Variants in CRB1 observed in about 807,000 individuals in gnomAD.
CRB1 encodes crumbs cell polarity complex component 1.
Under a neutral mutation model 120.0 loss-of-function variants are expected in CRB1, and 83 were observed. The observed-to-expected ratio is 0.69, with a 90% CI of 0.58 to 0.83. CRB1 has a LOEUF of 0.83. Ranked by LOEUF, CRB1 falls within the 40% of genes least tolerant of loss-of-function variation. The pLI, the probability that CRB1 is intolerant of heterozygous loss-of-function variation, is 0.00. For synonymous variants in CRB1, 625 were observed against 612.5 expected (o/e 1.02, Z -0.30); for missense variants, 1,699 against 1,687.6 (o/e 1.01, Z -0.12).
At chr1:197,256,932 C>CGTGTGT in the CRB1 span, among the ~76,000 whole-genome samples, 3,567 of 141,444 alleles carry the variant, frequency 0.025, 169 homozygotes, top group African/African-American at 0.089. Flanking sequence ...ATAGGATTTG[C>CGTGTGT]GTGTGTGTGT....
intron 1 of CRB1, among the ~76,000 whole-genome samples, chr1:197,321,417 A>T (rs1049905979): frequency 6.6e-6 from 1 of 152,188 alleles, no homozygotes; most frequent in African/African-American, 2.4e-5. Context: ...GTTTTCCCCA[A>T]ATTTGGTCCA....
At chr1:197,201,570 G>A in the CRB1 span, among the ~76,000 whole-genome samples, 6 of 152,220 alleles carry the variant, frequency 3.9e-5, no homozygotes, top group African/African-American at 1.4e-4. Flanking sequence ...TGGCTCGGTG[G>A]CCTACCCCGA....
Position 197,344,428 on chromosome 1 carries a change from C to A in CRB1, c.800C>A (p.Ala267Asp). The A allele has an allele frequency of 6.2e-7, 1 of 1,613,998 alleles. No homozygotes were observed. Among genetic ancestry groups the A allele is most frequent in the Non-Finnish European group, 8.5e-7 (1 of 1,179,994 alleles). Residue 267 changes from alanine to aspartate, a missense_variant, in exon 3 of 12, where the codon GCC becomes GAC. Physicochemically the swap from Ala to Asp is moderately radical, Grantham distance 126 (BLOSUM62 -2). Coordinates refer to ENST00000367400, the MANE Select transcript of CRB1 (RefSeq NM_201253.3). The stretch of plus-strand genomic sequence containing the variant: ...TGTGAACTCAACACTGATGAGTGTG[C>A]CAGTCAACCTTGTCTCCATGGAGGG... Reference protein sequence around the residue: ...DHCELNTDECASQPCLHGGLC... With the variant: ...DHCELNTDECDSQPCLHGGLC...
the CRB1 span, chr1:197,222,581 T>C: frequency 1.3e-6 from 1 of 769,488 alleles, no homozygotes; most frequent in Non-Finnish European, 2.4e-6. Flanking sequence ...CTCCTGTTGT[T>C]TTGCAGTTGG....
intron 1 of CRB1, among the ~76,000 whole-genome samples, chr1:197,301,924 T>C (rs576818708): frequency 6.6e-5 from 10 of 152,264 alleles, no homozygotes; most frequent in African/African-American, 2.4e-4. Flanking sequence ...TGAAATCTAC[T>C]CCTGGTGAAC....
intron 10 of CRB1, 135 bp downstream of exon 10, chr1:197,438,810 GAA>G: frequency 8.8e-7 from 1 of 1,132,814 alleles, no homozygotes; most frequent in Non-Finnish European, 1.3e-6. Flanking sequence ...GGTTCAGACA[GAA>G]TGAAACAATA....
At chr1:197,324,416 A>G (rs1463126751) in intron 1 of CRB1, among the ~76,000 whole-genome samples, 1 of 152,224 alleles carries the variant, frequency 6.6e-6, no homozygotes, top group Admixed American at 6.5e-5. Flanking sequence ...TTGAAAGAAA[A>G]AGCAAATAAT....
rs1228943208 is a variant in CRB1 at position 197,344,359 on chromosome 1, G to A, written c.731G>A (p.Gly244Glu). Residue 244 changes from glycine (G) to glutamate (E), a missense_variant, in exon 3 of 12, where the codon GGG (glycine) becomes GAG (glutamate). Coordinates refer to ENST00000367400, the MANE Select transcript of CRB1 (RefSeq NM_201253.3). ...LNGATCQDAL[G>E]AYFCDCAPGF... ...GGTGCAACTTGTCAGGATGCTCTGG[G>A]GGCCTATTTCTGCGACTGTGCCCCT... The A allele has an allele frequency of 3.1e-6, 5 of 1,613,986 alleles. No individual in the cohort carries two copies. The Admixed American group carries it at 8.3e-5, about 27-fold the overall frequency.
At chr1:197,462,382 A>T (rs888308773) in intron 11 of CRB1, among the ~76,000 whole-genome samples, 1 of 152,182 alleles carries the variant, frequency 6.6e-6, no homozygotes, top group Non-Finnish European at 1.5e-5. Flanking sequence ...TCTATAAGGA[A>T]ATATAAGCTC....
the CRB1 span, among the ~76,000 whole-genome samples, chr1:197,201,574 AC>A: frequency 1.3e-5 from 2 of 152,068 alleles, no homozygotes; most frequent in African/African-American, 4.8e-5. Context: ...TCGGTGGCCT[AC>A]CCCGATCGAA....
chr1:197,456,119 G>C (rs1666274099), intron 11 of CRB1, among the ~76,000 whole-genome samples: 1 of 152,012 alleles, frequency 6.6e-6, no homozygotes, highest in Admixed American at 6.6e-5. Flanking sequence ...GATAACAACA[G>C]TTATAAAGGA....
the CRB1 span, among the ~76,000 whole-genome samples, chr1:197,217,523 C>T: frequency 6.6e-6 from 1 of 152,142 alleles, no homozygotes; most frequent in Admixed American, 6.5e-5. Context: ...CATGCTACAA[C>T]ATTGATGAAC....
At chr1:197,391,216 A>C (rs1449905032) in intron 5 of CRB1, among the ~76,000 whole-genome samples, 1 of 152,138 alleles carries the variant, frequency 6.6e-6, no homozygotes, top group Non-Finnish European at 1.5e-5. Context: ...AGATTGCTGG[A>C]GTGAAAATAA....
intron 5 of CRB1, among the ~76,000 whole-genome samples, chr1:197,374,447 C>G (rs888102688): frequency 6.6e-6 from 1 of 151,944 alleles, no homozygotes; most frequent in Non-Finnish European, 1.5e-5. Flanking sequence ...TTTTCTTGCC[C>G]CCCCTGCATG....
intron 10 of CRB1, 41 bp from the exon 11 acceptor site, chr1:197,442,125 C>G: frequency 6.2e-7 from 1 of 1,613,776 alleles, no homozygotes; most frequent in Non-Finnish European, 8.5e-7. Context: ...CCAATGTATT[C>G]AACAGGGACC....
At chr1:197,247,334 A>T in the CRB1 span, among the ~76,000 whole-genome samples, 1 of 152,066 alleles carries the variant, frequency 6.6e-6, no homozygotes, top group African/African-American at 2.4e-5. Context: ...GCATGTTGAA[A>T]TTCTATAGCC....
At chr1:197,215,796 C>A in the CRB1 span, among the ~76,000 whole-genome samples, 1 of 152,188 alleles carries the variant, frequency 6.6e-6, no homozygotes, top group African/African-American at 2.4e-5. Context: ...GTCAATTAAA[C>A]CTCCTTCCCG....
intron 2 of CRB1, among the ~76,000 whole-genome samples, chr1:197,336,441 ATAT>A (rs34171107): frequency 0.2 from 30,583 of 152,056 alleles, 3,411 homozygotes; most frequent in African/African-American, 0.29. Context: ...ATGAGAAATA[ATAT>A]TATTATATCA....
chr1:197,316,917 A>AC (rs1288252321), intron 1 of CRB1, among the ~76,000 whole-genome samples: 2 of 151,848 alleles, frequency 1.3e-5, no homozygotes, highest in Non-Finnish European at 2.9e-5. Context: ...CTACAAAAAA[A>AC]AAAAACAAAA....
Sources: gnomAD v4.1 joint callset for allele counts (sites outside exome capture counted in the v4.1 genomes callset) on GRCh38, gnomAD v4.1.1 for gene constraint, MANE v1.5 for transcripts, NCBI Gene and HGNC (gene_info 2026-07-23, HGNC 2026-07-21) for gene names.